NALF1: variants seen among roughly 807,000 people sequenced by gnomAD.
The protein encoded by NALF1 is NALCN channel auxiliary factor 1, also known as family with sequence similarity 155 member A.
Under a neutral mutation model 48.4 loss-of-function variants are expected in NALF1, and 3 were observed. That is an observed-to-expected ratio of 0.06 (90% confidence interval 0.03 to 0.16). The LOEUF (loss-of-function observed/expected upper bound fraction) is 0.16, where lower values mean the gene tolerates loss of function less well. NALF1 is among the 10% of genes least tolerant of loss of function. The pLI, the probability that NALF1 is intolerant of heterozygous loss-of-function variation, is 1.00. For synonymous variants in NALF1, 262 were observed against 245.7 expected (o/e 1.07, Z -0.62); for missense variants, 526 against 571.5 (o/e 0.92, Z 0.81).
chr13:107,268,072 C>T lies in NALF1; in HGVS notation c.916-57317G>A, dbSNP rs543876064. ...CGCGATCTCGGCTCACTGCAACCTC[C>T]GCTTCCCAGGTTCAAGGGATTCTCC... On this transcript the variant is annotated intron_variant, in intron 1 of 2. Coordinates refer to ENST00000375915, the MANE Select transcript of NALF1 (RefSeq NM_001080396.3). Among the ~76,000 whole-genome samples, 142 of 149,954 alleles carry T rather than the reference C, an allele frequency of 9.5e-4. 1 individual carries two copies. The Middle Eastern group carries it at 0.01, about 11-fold the overall frequency.
chr13:107,302,655 G>GA (rs1000946696), intron 1 of NALF1, among the ~76,000 whole-genome samples: 18 of 151,720 alleles, frequency 1.2e-4, no homozygotes, highest in African/African-American at 7.2e-5. Flanking sequence ...CAGATCAAAT[G>GA]AAAAAAAATT....
At chr13:107,320,250 TATGCA>T (rs1566484265) in intron 1 of NALF1, among the ~76,000 whole-genome samples, 1 of 152,100 alleles carries the variant, frequency 6.6e-6, no homozygotes, top group African/African-American at 2.4e-5. Context: ...ATCTGAAAAC[TATGCA>T]ATTCAGGAGA....
At chr13:107,783,210 C>G (rs1877966953) in intron 1 of NALF1, among the ~76,000 whole-genome samples, 2 of 132,644 alleles carry the variant, frequency 1.5e-5, no homozygotes, top group African/African-American at 2.8e-5. Flanking sequence ...GTCCCCCGCC[C>G]GGCCAGCCGC....
intron 1 of NALF1, among the ~76,000 whole-genome samples, chr13:107,369,022 G>T (rs1490507596): frequency 6.6e-6 from 1 of 152,214 alleles, no homozygotes; most frequent in African/African-American, 2.4e-5. Context: ...TTCCCTGCCT[G>T]CCTAACTTGC....
intron 1 of NALF1, among the ~76,000 whole-genome samples, chr13:107,339,052 T>G (rs1294041316): frequency 6.7e-6 from 1 of 149,188 alleles, no homozygotes; most frequent in African/African-American, 2.5e-5. Flanking sequence ...GAGAATGGCG[T>G]GAACTCGGGA....
chr13:107,363,226 AC>A (rs1397814540), intron 1 of NALF1, among the ~76,000 whole-genome samples: 55 of 152,330 alleles, frequency 3.6e-4, no homozygotes, highest in African/African-American at 1.3e-3. Flanking sequence ...AGAATTGCAT[AC>A]AATCTTATTC....
intron 1 of NALF1, among the ~76,000 whole-genome samples, chr13:107,613,381 C>T (rs1879292346): frequency 6.6e-6 from 1 of 152,190 alleles, no homozygotes; most frequent in Non-Finnish European, 1.5e-5. Flanking sequence ...TTCTTTCTCT[C>T]TCCAGGCCAA....
chr13:107,622,231 C>A (rs1430803942), intron 1 of NALF1, among the ~76,000 whole-genome samples: 6 of 151,872 alleles, frequency 4.0e-5, no homozygotes, highest in African/African-American at 1.5e-4. Context: ...GAGTTCAAGA[C>A]CAGCCTGAAC....
chr13:107,227,813 T>C (rs547648231), intron 1 of NALF1, among the ~76,000 whole-genome samples: 42 of 152,338 alleles, frequency 2.8e-4, no homozygotes, highest in African/African-American at 9.9e-4. Flanking sequence ...TGAGCTTCAG[T>C]TAGTAACCGA....
chr13:107,620,987 T>C (rs549134165), intron 1 of NALF1, among the ~76,000 whole-genome samples: 128 of 152,090 alleles, frequency 8.4e-4, no homozygotes, highest in African/African-American at 2.9e-3. Context: ...TGTGAGTGTG[T>C]GCGTGTGTGT....
intron 1 of NALF1, among the ~76,000 whole-genome samples, chr13:107,218,519 A>C (rs1879923864): frequency 6.6e-6 from 1 of 150,424 alleles, no homozygotes; most frequent in African/African-American, 2.5e-5. Context: ...CAGAGACTCA[A>C]ACCAGGAACC....
At chr13:107,184,140 C>T (rs1022963959) in intron 2 of NALF1, among the ~76,000 whole-genome samples, 2 of 150,678 alleles carry the variant, frequency 1.3e-5, no homozygotes, top group Non-Finnish European at 3.0e-5. Context: ...TGTAACAAAC[C>T]TGCACGTTCT....
intron 1 of NALF1, among the ~76,000 whole-genome samples, chr13:107,233,142 T>A (rs1262532874): frequency 6.6e-6 from 1 of 152,196 alleles, no homozygotes; most frequent in African/African-American, 2.4e-5. Flanking sequence ...AACAGTTAAG[T>A]TGAAAAGGGA....
At chr13:107,843,792 C>T (rs1880102648) in intron 1 of NALF1, among the ~76,000 whole-genome samples, 2 of 152,098 alleles carry the variant, frequency 1.3e-5, no homozygotes, top group Non-Finnish European at 2.9e-5. Context: ...AAGCCATCTG[C>T]GAATGGAATC....
chr13:107,285,475 T>C (rs1881474994), intron 1 of NALF1, among the ~76,000 whole-genome samples: 1 of 152,190 alleles, frequency 6.6e-6, no homozygotes, highest in African/African-American at 2.4e-5. Context: ...TAATGCATTT[T>C]TTCACGTTCT....
intron 1 of NALF1, among the ~76,000 whole-genome samples, chr13:107,399,302 TTG>T (rs1017942647): frequency 6.6e-6 from 1 of 152,072 alleles, no homozygotes; most frequent in Admixed American, 6.6e-5. Context: ...ACATAGATAA[TTG>T]TGTGTGTGTG....
chr13:107,364,481 T>C (rs1180976228), intron 1 of NALF1, among the ~76,000 whole-genome samples: 1 of 152,194 alleles, frequency 6.6e-6, no homozygotes, highest in Non-Finnish European at 1.5e-5. Context: ...TCCTGTCAAC[T>C]GCCCGTCTTC....
chr13:107,331,697 T>A (rs1428136728), intron 1 of NALF1, among the ~76,000 whole-genome samples: 4 of 152,202 alleles, frequency 2.6e-5, no homozygotes, highest in African/African-American at 9.7e-5. Context: ...AGGATTTAGA[T>A]AATTGTTCAT....
At chr13:107,627,923 AT>A (rs986438602) in intron 1 of NALF1, among the ~76,000 whole-genome samples, 3 of 152,146 alleles carry the variant, frequency 2.0e-5, no homozygotes, top group African/African-American at 4.8e-5. Context: ...AACTAAAAAA[AT>A]AATAATAAAT....
Sources: allele counts gnomAD v4.1 joint callset (sites outside exome capture counted in the v4.1 genomes callset), GRCh38; gene constraint gnomAD v4.1.1; transcripts MANE v1.5; gene names NCBI Gene and HGNC (gene_info 2026-07-23, HGNC 2026-07-21).